Variants in ROR2 observed in about 807,000 individuals in gnomAD.
ROR2 encodes the protein ROR family WNT receptor 2, also known as tyrosine-protein kinase transmembrane receptor ROR2.
A neutral mutation model predicts 74.9 loss-of-function variants in ROR2; 33 were observed. That is an observed-to-expected ratio of 0.44 (90% CI 0.33 to 0.59). The LOEUF is 0.59. Among genes scored for constraint, ROR2 ranks in the 20% least tolerant of loss-of-function variants. The pLI, the probability that ROR2 is intolerant of heterozygous loss-of-function variation, is 0.02. For missense variants in ROR2, 1,216 were observed against 1,313.8 expected, an observed-to-expected ratio of 0.93 and a Z score of 1.15; for synonymous variants, 586 against 558.7, an observed-to-expected ratio of 1.05 and a Z score of -0.69.
At chr9:91,731,407 A>T (rs750761776) in intron 6 of ROR2, among the ~76,000 whole-genome samples, 1 of 152,156 alleles carries the variant, frequency 6.6e-6, no homozygotes, top group Non-Finnish European at 1.5e-5. Flanking sequence ...GGGACCCACG[A>T]GGCACCTGCA....
chr9:91,733,551 C>T lies in ROR2; in HGVS notation c.623-115G>A. On this transcript the variant is annotated intron_variant, in intron 5 of 8. Transcript: ENST00000375708. The surrounding 1 kb of genome is among the most constrained non-coding windows in gnomAD (Gnocchi z 5.7). The stretch of plus-strand genomic sequence containing the variant: ...ACTGCCCACTCAGCCCCCTGATGCC[C>T]CGCCCCGCCCCAGACTCCCCAACCC... 2 of 1,166,872 alleles carry T rather than the reference C, an allele frequency of 1.7e-6. No homozygotes were observed. Among genetic ancestry groups the T allele is most frequent in the African/African-American group, 1.5e-5 (1 of 66,086 alleles). The allele number at this position is 1,166,872 out of a possible 1,614,324, so 72.3% of individuals were successfully genotyped here.
chr9:91,851,304 A>C (rs939797254), intron 1 of ROR2, among the ~76,000 whole-genome samples: 3 of 151,712 alleles, frequency 2.0e-5, no homozygotes, highest in Non-Finnish European at 4.4e-5. Context: ...GTGAGCTGAA[A>C]TCACGCCACT....
intron 2 of ROR2, among the ~76,000 whole-genome samples, chr9:91,772,131 T>A (rs781015390): frequency 1.2e-4 from 18 of 151,822 alleles, no homozygotes; most frequent in Non-Finnish European, 2.5e-4. Flanking sequence ...ACGGGTGGAG[T>A]GAGTCTCCAT....
At chr9:91,888,211 T>C (rs1830337956) in intron 1 of ROR2, among the ~76,000 whole-genome samples, 1 of 152,228 alleles carries the variant, frequency 6.6e-6, no homozygotes, top group Non-Finnish European at 1.5e-5. Context: ...TGATTTTAAC[T>C]GTGTTTCCCA....
intron 4 of ROR2, among the ~76,000 whole-genome samples, chr9:91,753,310 G>A (rs921630326): frequency 6.6e-6 from 1 of 152,204 alleles, no homozygotes; most frequent in Non-Finnish European, 1.5e-5. Flanking sequence ...AATTGACAAA[G>A]AGGAGACATG....
intron 1 of ROR2, among the ~76,000 whole-genome samples, chr9:91,904,765 C>G (rs983657434): frequency 1.3e-5 from 2 of 152,174 alleles, no homozygotes; most frequent in East Asian, 3.9e-4. Context: ...CTCTGCCACC[C>G]GTGGCCTCAG....
intron 1 of ROR2, among the ~76,000 whole-genome samples, chr9:91,792,912 T>C (rs540481924): frequency 6.6e-6 from 1 of 152,020 alleles, no homozygotes; most frequent in East Asian, 1.9e-4. Context: ...CAAAACAAAA[T>C]GAAACAAAAC....
At chr9:91,860,112 T>G (rs547236143) in intron 1 of ROR2, among the ~76,000 whole-genome samples, 25 of 152,278 alleles carry the variant, frequency 1.6e-4, no homozygotes, top group African/African-American at 5.5e-4. Context: ...AGGAGCCCTC[T>G]CAGGAAAGGC....
rs1836863920 is a variant in ROR2, at chr9:91,723,385, A to T, written c.*277T>A. On this transcript the variant is annotated 3_prime_UTR_variant, in exon 9 of 9. Transcript: ENST00000375708. ...TGCTGCTCACTACCAGTCTACCACC[A>T]GAATCAATGTATACAGCCCTGGGGA... 4.3e-6 allele frequency: 2 copies of T among 468,916 alleles called. No homozygotes were observed. Among genetic ancestry groups the T allele is most frequent in the African/African-American group, 3.9e-5 (2 of 51,536 alleles). The allele number at this position is 468,916 out of a possible 1,614,324, so 29.0% of individuals were successfully genotyped here.
chr9:91,723,498 A>T lies in ROR2; in HGVS notation c.*164T>A. ...CCTAGGCAGGGCAGCTCTCTGTGTC[A>T]GAGGACAGAGAGGAGCAGGGCTCCA... is the stretch of plus-strand genomic sequence containing the variant. On this transcript the variant is annotated 3_prime_UTR_variant, in exon 9 of 9. Coordinates refer to ENST00000375708, the MANE Select transcript of ROR2 (RefSeq NM_004560.4). 8.9e-7 allele frequency: 1 copy of T among 1,128,816 alleles called. No individual in the cohort carries two copies. 69.9% of individuals were successfully genotyped at this position (1,128,816 alleles called of 1,614,324 possible).
intron 1 of ROR2, among the ~76,000 whole-genome samples, chr9:91,923,486 A>C (rs117692403): frequency 0.013 from 1,953 of 152,336 alleles, 28 homozygotes; most frequent in Non-Finnish European, 0.019. Flanking sequence ...TACCCAAGGT[A>C]AGGAAATTTG....
intron 7 of ROR2, among the ~76,000 whole-genome samples, chr9:91,729,687 T>C (rs1837167422): frequency 6.6e-6 from 1 of 152,172 alleles, no homozygotes; most frequent in Non-Finnish European, 1.5e-5. Flanking sequence ...AGCCCAGCCT[T>C]GGTTACCCTG....
At chr9:91,871,747 C>T (rs1829804469) in intron 1 of ROR2, among the ~76,000 whole-genome samples, 1 of 152,142 alleles carries the variant, frequency 6.6e-6, no homozygotes, top group Non-Finnish European at 1.5e-5. Context: ...AACACACTCC[C>T]TCTTGAGAGA....
Position 91,733,323 on chromosome 9 carries a change from G to T in ROR2, c.736C>A (p.Pro246Thr). ...TCGCGGCACAGCTCACGCGGCTTGG[G>T]TGTCCGGGAGCGCGCGTCGCACAGA... ...FPLCDARSRT[P>T]KPRELCRDEC... The change falls in exon 6 of 9, where the codon CCC (proline) becomes ACC (threonine). Residue 246 changes from proline to threonine, a missense_variant. Coordinates refer to ENST00000375708, the MANE Select transcript of ROR2 (RefSeq NM_004560.4). The surrounding 1 kb of genome is among the most constrained non-coding windows in gnomAD (Gnocchi z 5.7). The T allele has an allele frequency of 6.2e-7, 1 of 1,612,706 alleles. No individual in the cohort carries two copies. The highest frequency in any genetic ancestry group is 8.5e-7 in the Non-Finnish European group (1 of 1,179,740).
chr9:91,792,217 G>A (rs1827005931), intron 1 of ROR2, among the ~76,000 whole-genome samples: 1 of 150,562 alleles, frequency 6.6e-6, no homozygotes, highest in Non-Finnish European at 1.5e-5. Context: ...GCTAGCAGAA[G>A]GAAGGAAATA....
chr9:91,810,693 A>G (rs1425209891), intron 1 of ROR2, among the ~76,000 whole-genome samples: 2 of 152,208 alleles, frequency 1.3e-5, no homozygotes, highest in African/African-American at 4.8e-5. Flanking sequence ...GGCTGCCACA[A>G]GGACAACCGC....
chr9:91,814,402 C>T (rs949872816), intron 1 of ROR2, among the ~76,000 whole-genome samples: 4 of 152,154 alleles, frequency 2.6e-5, no homozygotes, highest in Admixed American at 1.3e-4. Context: ...CACGCACACT[C>T]CAGGGAGAAG....
At chr9:91,855,872 G>A (rs899080740) in intron 1 of ROR2, among the ~76,000 whole-genome samples, 3 of 151,912 alleles carry the variant, frequency 2.0e-5, no homozygotes, top group Non-Finnish European at 4.4e-5. Flanking sequence ...TACACCTGCC[G>A]GCCGGGTGAG....
intron 1 of ROR2, among the ~76,000 whole-genome samples, chr9:91,939,535 G>A (rs1248289779): frequency 1.3e-5 from 2 of 152,018 alleles, no homozygotes; most frequent in South Asian, 2.1e-4. Context: ...TCGTTTAACT[G>A]GGGCGTTCAT....
Sources: allele counts gnomAD v4.1 joint callset (sites outside exome capture counted in the v4.1 genomes callset), GRCh38; gene constraint gnomAD v4.1.1; non-coding constraint Gnocchi (gnomAD v3.1); transcripts MANE v1.5; gene names NCBI Gene and HGNC (gene_info 2026-07-23, HGNC 2026-07-21).